The following RALA variants were observed in gnomAD, a reference collection of about 807,000 sequenced individuals.
RALA encodes the protein ras-related protein Ral-A.
Under a neutral mutation model 24.0 loss-of-function variants are expected in RALA, and 5 were observed. That is an observed-to-expected ratio of 0.21 (90% CI 0.11 to 0.44). RALA has a LOEUF of 0.44. Ranked by LOEUF, RALA falls within the 20% of genes least tolerant of loss-of-function variation. The pLI is 0.99. For missense variants in RALA, 95 were observed against 241.2 expected (o/e 0.39, Z 4.01); for synonymous variants, 77 against 83.8 (o/e 0.92, Z 0.44).
At chr7:39,690,869 A>G (rs17171614) in intron 3 of RALA, among the ~76,000 whole-genome samples, 1,563 of 152,250 alleles carry the variant, frequency 0.01, 20 homozygotes, top group African/African-American at 0.035. Context: ...TTACTGAAGT[A>G]TTTCTCTTTA....
chr7:39,648,744 G>C lies in RALA; in HGVS notation c.-38+24919G>C, dbSNP rs138350408. 6.2e-3 allele frequency among the ~76,000 whole-genome samples: 942 copies of C among 152,246 alleles called. 12 individuals are homozygous for C. The highest frequency in any genetic ancestry group is 0.022 in the African/African-American group (915 of 41,530). ...CAGATTTGCCAGCCAATCAGTTGTGGGCTGTGAAAGAAGAGTTAAGAATGA... is the reference window on the plus strand; with the variant it reads ...CAGATTTGCCAGCCAATCAGTTGTGCGCTGTGAAAGAAGAGTTAAGAATGA... On this transcript the variant is annotated intron_variant, in intron 1 of 4. Coordinates refer to ENST00000005257, the MANE Select transcript of RALA (RefSeq NM_005402.4).
chr7:39,626,658 G>T (rs144837703), intron 1 of RALA, among the ~76,000 whole-genome samples: 1 of 152,162 alleles, frequency 6.6e-6, no homozygotes, highest in Non-Finnish European at 1.5e-5. Context: ...CATTTTTCCC[G>T]TGGGTGTCCC....
chr7:39,670,563 G>T (rs1307468821), intron 1 of RALA, among the ~76,000 whole-genome samples: 1 of 152,188 alleles, frequency 6.6e-6, no homozygotes, highest in Non-Finnish European at 1.5e-5. Flanking sequence ...AAAAGGTGAT[G>T]TATCCTTCCA....
chr7:39,674,097 G>A (rs1026502507), intron 1 of RALA, among the ~76,000 whole-genome samples: 3 of 148,038 alleles, frequency 2.0e-5, no homozygotes, highest in East Asian at 2.0e-4. Flanking sequence ...AAAAGGTTGA[G>A]GGGGGGTGGT....
intron 1 of RALA, among the ~76,000 whole-genome samples, chr7:39,632,401 G>T (rs1002343828): frequency 2.0e-5 from 3 of 152,172 alleles, no homozygotes; most frequent in African/African-American, 7.2e-5. Context: ...GGTACTGATT[G>T]CTTCATTGTA....
chr7:39,670,719 T>C (rs1165483693), intron 1 of RALA, among the ~76,000 whole-genome samples: 1 of 152,222 alleles, frequency 6.6e-6, no homozygotes, highest in Non-Finnish European at 1.5e-5. Context: ...TTTATTTCCT[T>C]TTCCACCTTT....
chr7:39,701,340 A>G (rs566367674), intron 4 of RALA, among the ~76,000 whole-genome samples: 20 of 152,262 alleles, frequency 1.3e-4, no homozygotes, highest in Non-Finnish European at 2.1e-4. Flanking sequence ...GCAAAAGCCT[A>G]TCTCTACAAA....
rs1008992438 is a variant in RALA at position 39,623,646 on chromosome 7, TCTCCTCCTCCTC to T, written c.-203_-192del. On this transcript the variant is annotated 5_prime_UTR_variant, in exon 1 of 5. Coordinates refer to ENST00000005257, the MANE Select transcript of RALA (RefSeq NM_005402.4). This position sits in a 1 kb window ranked among gnomAD's most constrained non-coding sequence, Gnocchi z 4.9. ...AAAGCGTCGGAGTCCTCCTCCTCCT[TCTCCTCCTCCTC>T]CTCCTCCTCCTCCAGCCGCCCAGGC... The T allele has an allele frequency of 0.029, 4,432 of 152,352 alleles. 216 individuals are homozygous for T. The highest frequency in any genetic ancestry group is 0.1 in the African/African-American group (4,077 of 40,908). The allele number at this position is 152,352 out of a possible 1,614,324, so 9.4% of individuals were successfully genotyped here.
chr7:39,665,742 C>CT (rs1218556739), intron 1 of RALA, among the ~76,000 whole-genome samples: 1 of 150,752 alleles, frequency 6.6e-6, no homozygotes, highest in Admixed American at 6.6e-5. Flanking sequence ...TGAGAATTAT[C>CT]TTTTTATGTT....
At chr7:39,669,460 G>A (rs1409982742) in intron 1 of RALA, among the ~76,000 whole-genome samples, 2 of 152,130 alleles carry the variant, frequency 1.3e-5, no homozygotes, top group East Asian at 3.9e-4. Context: ...TAAAGAGTGG[G>A]ATTTAACAGA....
At chr7:39,651,022 T>C (rs150586035) in intron 1 of RALA, among the ~76,000 whole-genome samples, 1 of 152,364 alleles carries the variant, frequency 6.6e-6, no homozygotes, top group Non-Finnish European at 1.5e-5. Context: ...TCTTTGGAAG[T>C]GACATGCCTT....
intron 1 of RALA, among the ~76,000 whole-genome samples, chr7:39,667,424 C>G (rs1165049931): frequency 6.6e-6 from 1 of 152,128 alleles, no homozygotes; most frequent in Non-Finnish European, 1.5e-5. Context: ...ATGGAGTGAC[C>G]ATCAGCAAAG....
rs77246091 is a variant in RALA at position 39,698,708 on chromosome 7, C to T, written c.498+1849C>T. ...GGGGAGTGGGGAAGAGATGCAGACA[C>T]TGGCAATCCAAGATAGAAAGCTATA... On this transcript the variant is annotated intron_variant, in intron 4 of 4. Transcript: ENST00000005257. Among the ~76,000 whole-genome samples the T allele has an allele frequency of 2.0e-3, 307 of 152,228 alleles. 1 individual carries two copies. Among genetic ancestry groups the T allele is most frequent in the African/African-American group, 7.0e-3 (289 of 41,554 alleles).
chr7:39,624,088 T>C (rs1791430655), intron 1 of RALA: 1 of 151,836 alleles, frequency 6.6e-6, no homozygotes, highest in Non-Finnish European at 1.5e-5. Context: ...CGGTCTCAGT[T>C]GGCCTCGTCC....
chr7:39,662,601 C>T (rs996538117), intron 1 of RALA, among the ~76,000 whole-genome samples: 2 of 152,166 alleles, frequency 1.3e-5, no homozygotes, highest in African/African-American at 4.8e-5. Context: ...ACCTTTACTC[C>T]AATTCCCAAC....
At chr7:39,687,202 C>G (rs1248893706) in intron 2 of RALA, among the ~76,000 whole-genome samples, 1 of 152,002 alleles carries the variant, frequency 6.6e-6, no homozygotes, top group Non-Finnish European at 1.5e-5. Flanking sequence ...CCAAGACAGG[C>G]AGATCACAAG....
At chr7:39,655,091 T>C (rs757028369) in intron 1 of RALA, among the ~76,000 whole-genome samples, 1 of 152,240 alleles carries the variant, frequency 6.6e-6, no homozygotes, top group Non-Finnish European at 1.5e-5. Flanking sequence ...ATCTAATTGT[T>C]CTAGCATCAT....
intron 4 of RALA, chr7:39,700,951 T>C (rs1793015904): frequency 6.6e-6 from 1 of 152,242 alleles, no homozygotes; most frequent in Non-Finnish European, 1.5e-5. Context: ...GTGGTTGTTT[T>C]CCTGAGGAAA....
intron 1 of RALA, among the ~76,000 whole-genome samples, chr7:39,643,334 T>A (rs996849904): frequency 1.3e-5 from 2 of 152,192 alleles, no homozygotes; most frequent in Non-Finnish European, 2.9e-5. Flanking sequence ...GATAGTTTAT[T>A]TCCAAACAAT....
Sources: allele counts gnomAD v4.1 joint callset (sites outside exome capture counted in the v4.1 genomes callset), GRCh38; gene constraint gnomAD v4.1.1; non-coding constraint Gnocchi (gnomAD v3.1); transcripts MANE v1.5; gene names NCBI Gene and HGNC (gene_info 2026-07-23, HGNC 2026-07-21).